The following MIS18A variants were observed in gnomAD, a reference collection of about 807,000 sequenced individuals.
MIS18A encodes the protein MIS18 kinetochore protein A.
MIS18A carries 14 observed loss-of-function variants against 25.0 expected under a neutral mutation model. That is an observed-to-expected ratio of 0.56 (90% confidence interval 0.37 to 0.88). The LOEUF is 0.88. MIS18A is among the 40% of genes least tolerant of loss of function. The pLI is 0.00. For synonymous variants in MIS18A, 134 were observed against 118.6 expected (o/e 1.13, Z -0.84); for missense variants, 292 against 290.8 (o/e 1.00, Z -0.03).
chr21:32,163,166 T>C, the MIS18A span, among the ~76,000 whole-genome samples: 1 of 152,008 alleles, frequency 6.6e-6, no homozygotes, highest in Non-Finnish European at 1.5e-5. Context: ...CAAAGTGGAG[T>C]GGAAACCTGG....
Position 32,268,940 on chromosome 21 carries a change from C to CTTTT in MIS18A, c.*93_*96dup, listed in dbSNP as rs377622439. 15 of 552,376 alleles carry CTTTT rather than the reference C, an allele frequency of 2.7e-5. No individual in the cohort carries two copies. Among genetic ancestry groups the CTTTT allele is most frequent in the East Asian group, 4.3e-5 (1 of 23,160 alleles). The allele number at this position is 552,376 out of a possible 1,614,324, so 34.2% of individuals were successfully genotyped here. On this transcript the variant is annotated 3_prime_UTR_variant, in exon 5 of 5. Coordinates refer to ENST00000290130, the MANE Select transcript of MIS18A (RefSeq NM_018944.3). Reference sequence around the variant, plus strand: ...CGCATGCCTGGCTAATTTTTTTTTTCTTTTTTTTTTTGTAGAGACGACGTC... The same window carrying CTTTT: ...CGCATGCCTGGCTAATTTTTTTTTTCTTTTTTTTTTTTTTTGTAGAGACGACGTC...
the MIS18A span, among the ~76,000 whole-genome samples, chr21:32,230,241 T>G: frequency 6.6e-6 from 1 of 152,214 alleles, no homozygotes; most frequent in Non-Finnish European, 1.5e-5. Context: ...ATTTTCATAT[T>G]TTCAAGTATA....
chr21:32,155,726 A>AT, the MIS18A span, among the ~76,000 whole-genome samples: 2 of 152,128 alleles, frequency 1.3e-5, no homozygotes, highest in Admixed American at 6.5e-5. Context: ...CCTTCAAACA[A>AT]TTTTTTTGCT....
downstream of MIS18A, among the ~76,000 whole-genome samples, chr21:32,267,583 C>T (rs552440486): frequency 2.0e-5 from 3 of 152,280 alleles, no homozygotes; most frequent in South Asian, 4.1e-4. Context: ...TATAAGGAAT[C>T]GGGGAGCCAA....
the MIS18A span, among the ~76,000 whole-genome samples, chr21:32,239,612 C>G: frequency 6.6e-6 from 1 of 152,134 alleles, no homozygotes; most frequent in Admixed American, 6.5e-5. Context: ...CAGGTATGTG[C>G]GAGCCGCCTC....
At chr21:32,237,783 T>C in the MIS18A span, among the ~76,000 whole-genome samples, 1 of 152,110 alleles carries the variant, frequency 6.6e-6, no homozygotes, top group African/African-American at 2.4e-5. Flanking sequence ...TATTTTATTG[T>C]TAACATACTA....
the MIS18A span, among the ~76,000 whole-genome samples, chr21:32,255,904 A>G: frequency 4.6e-5 from 7 of 151,828 alleles, no homozygotes; most frequent in African/African-American, 1.7e-4. Flanking sequence ...AAAAAAAAAA[A>G]GAACAAACGT....
chr21:32,194,950 T>A, the MIS18A span, among the ~76,000 whole-genome samples: 2 of 152,206 alleles, frequency 1.3e-5, no homozygotes, highest in African/African-American at 4.8e-5. Flanking sequence ...CAATGTACCG[T>A]GTTCGGGTGA....
At chr21:32,241,942 C>T in the MIS18A span, among the ~76,000 whole-genome samples, 1 of 152,096 alleles carries the variant, frequency 6.6e-6, no homozygotes, top group Non-Finnish European at 1.5e-5. Flanking sequence ...GCAGTGGCGC[C>T]ATCTCGGCTC....
chr21:32,272,524 G>T (rs949781088), intron 2 of MIS18A, among the ~76,000 whole-genome samples: 1 of 152,170 alleles, frequency 6.6e-6, no homozygotes, highest in South Asian at 2.1e-4. Flanking sequence ...AGAAAGTCTC[G>T]GTTTGGTGCT....
chr21:32,243,365 C>A, the MIS18A span, among the ~76,000 whole-genome samples: 1 of 152,154 alleles, frequency 6.6e-6, no homozygotes, highest in Non-Finnish European at 1.5e-5. Context: ...ATAAAAAGAA[C>A]TACCAAAGTG....
chr21:32,221,144 C>A, the MIS18A span, among the ~76,000 whole-genome samples: 1 of 152,104 alleles, frequency 6.6e-6, no homozygotes, highest in African/African-American at 2.4e-5. Flanking sequence ...CAGAAAGATA[C>A]TCCTCGAGAA....
At chr21:32,264,850 C>CA (rs1295182053), downstream of MIS18A, among the ~76,000 whole-genome samples, 1 of 152,212 alleles carries the variant, frequency 6.6e-6, no homozygotes, top group East Asian at 1.9e-4. Context: ...ATCGATGCTA[C>CA]ACAGAATGGT....
Position 32,268,916 on chromosome 21 carries a change from G to A in MIS18A, c.*121C>T, listed in dbSNP as rs939010664. 41 of 684,438 alleles carry A rather than the reference G, an allele frequency of 6.0e-5. No individual in the cohort carries two copies. Among genetic ancestry groups the A allele is most frequent in the Non-Finnish European group, 8.7e-5 (37 of 425,228 alleles). The allele number at this position is 684,438 out of a possible 1,614,324, so 42.4% of individuals were successfully genotyped here. The stretch of plus-strand genomic sequence containing the variant: ...TCTGATCCTCCCACCTCAGCGTTTC[G>A]CATGCCTGGCTAATTTTTTTTTTCT... On this transcript the variant is annotated 3_prime_UTR_variant, in exon 5 of 5. Transcript: ENST00000290130.
At chr21:32,158,364 GA>G in the MIS18A span, among the ~76,000 whole-genome samples, 1 of 151,542 alleles carries the variant, frequency 6.6e-6, no homozygotes, top group African/African-American at 2.4e-5. Context: ...TTTTTGCATT[GA>G]AAAAAAGTCA....
At chr21:32,276,976 T>TA (rs1204553397) in intron 1 of MIS18A, among the ~76,000 whole-genome samples, 1 of 152,172 alleles carries the variant, frequency 6.6e-6, no homozygotes, top group Non-Finnish European at 1.5e-5. Flanking sequence ...AATCCTATTT[T>TA]AAAAAATCAT....
At chr21:32,254,356 C>T in the MIS18A span, among the ~76,000 whole-genome samples, 4 of 151,830 alleles carry the variant, frequency 2.6e-5, 1 homozygote, top group Admixed American at 2.6e-4. Flanking sequence ...CCTGGCCAAC[C>T]CTGTCTCTAA....
At chr21:32,185,923 T>A in the MIS18A span, among the ~76,000 whole-genome samples, 3 of 152,170 alleles carry the variant, frequency 2.0e-5, no homozygotes, top group African/African-American at 7.2e-5. Context: ...TCTCACCTGT[T>A]TACGTTTTGG....
chr21:32,175,661 G>A, the MIS18A span, among the ~76,000 whole-genome samples: 75 of 74,202 alleles, frequency 1.0e-3, no homozygotes, highest in Middle Eastern at 0.014. Context: ...AAAAAAAGTA[G>A]CTGGGCGTGA....
Sources: allele counts gnomAD v4.1 joint callset (sites outside exome capture counted in the v4.1 genomes callset), GRCh38; gene constraint gnomAD v4.1.1; transcripts MANE v1.5; gene names NCBI Gene and HGNC (gene_info 2026-07-23, HGNC 2026-07-21).